Variants in PHTF2 observed in about 807,000 individuals in gnomAD.
The protein encoded by PHTF2 is protein PHTF2.
A neutral mutation model predicts 101.2 loss-of-function variants in PHTF2; 60 were observed. The observed-to-expected ratio is 0.59, with a 90% CI of 0.48 to 0.73. The LOEUF is 0.73. Ranked by LOEUF, PHTF2 falls within the 30% of genes least tolerant of loss-of-function variation. The pLI, the probability that PHTF2 is intolerant of heterozygous loss-of-function variation, is 0.00. For synonymous variants in PHTF2, 311 were observed against 307.3 expected (o/e 1.01, Z -0.13); for missense variants, 747 against 908.7 (o/e 0.82, Z 2.29).
chr7:77,863,759 TCAGGCA>T (rs1454554823), intron 3 of PHTF2, among the ~76,000 whole-genome samples: 1 of 151,262 alleles, frequency 6.6e-6, no homozygotes, highest in Non-Finnish European at 1.5e-5. Context: ...CTACTATGTA[TCAGGCA>T]CTGAGTTCCC....
At chr7:77,887,465 A>G (rs1799970817) in intron 3 of PHTF2, among the ~76,000 whole-genome samples, 1 of 151,990 alleles carries the variant, frequency 6.6e-6, no homozygotes, top group South Asian at 2.1e-4. Context: ...TAATGGCTCA[A>G]ACTTTAGATG....
intron 1 of PHTF2, among the ~76,000 whole-genome samples, chr7:77,826,841 C>T (rs1190564641): frequency 6.6e-6 from 1 of 152,142 alleles, no homozygotes; most frequent in Non-Finnish European, 1.5e-5. Flanking sequence ...CATGTAAGAG[C>T]ACAGAGAATA....
At chr7:77,920,785 G>A (rs540310557) in intron 10 of PHTF2, among the ~76,000 whole-genome samples, 2 of 152,186 alleles carry the variant, frequency 1.3e-5, no homozygotes, top group African/African-American at 4.8e-5. Context: ...AGGCACAAAC[G>A]ATCTTCCCAC....
At chr7:77,868,208 T>C (rs1375765200) in intron 3 of PHTF2, among the ~76,000 whole-genome samples, 1 of 151,814 alleles carries the variant, frequency 6.6e-6, no homozygotes, top group Non-Finnish European at 1.5e-5. Flanking sequence ...TCCTGCACTA[T>C]CATAGCTCAA....
intron 1 of PHTF2, among the ~76,000 whole-genome samples, chr7:77,835,501 A>G (rs1795386539): frequency 6.6e-6 from 1 of 152,186 alleles, no homozygotes; most frequent in South Asian, 2.1e-4. Context: ...GGTAACATTT[A>G]TGTAGTATTT....
At chr7:77,889,555 A>C (rs545808039) in intron 3 of PHTF2, among the ~76,000 whole-genome samples, 86 of 147,604 alleles carry the variant, frequency 5.8e-4, no homozygotes, top group South Asian at 1.7e-3. Context: ...AGTAACTAAA[A>C]TGTTCATTCT....
intron 9 of PHTF2, among the ~76,000 whole-genome samples, chr7:77,920,004 C>A (rs848484): frequency 0.42 from 63,900 of 151,918 alleles, 15,246 homozygotes; most frequent in East Asian, 0.68. Flanking sequence ...TGTTCAAAGA[C>A]CAGATGATTT....
At chr7:77,899,461 T>C (rs1340960578) in intron 5 of PHTF2, among the ~76,000 whole-genome samples, 1 of 152,100 alleles carries the variant, frequency 6.6e-6, no homozygotes, top group Admixed American at 6.5e-5. Context: ...TTTGCAATTA[T>C]GGAATCTGAG....
At chr7:77,845,177 G>A (rs1796180409) in intron 2 of PHTF2, among the ~76,000 whole-genome samples, 1 of 152,198 alleles carries the variant, frequency 6.6e-6, no homozygotes, top group Non-Finnish European at 1.5e-5. Context: ...TGTATTGAAA[G>A]ATAATTGACA....
At chr7:77,850,183 T>C (rs1796624167) in intron 2 of PHTF2, among the ~76,000 whole-genome samples, 2 of 141,464 alleles carry the variant, frequency 1.4e-5, no homozygotes, top group Admixed American at 1.4e-4. Context: ...CAACCCTGTC[T>C]CTACAAAATT....
intron 3 of PHTF2, among the ~76,000 whole-genome samples, chr7:77,858,787 G>C (rs1164842496): frequency 6.6e-6 from 1 of 151,760 alleles, no homozygotes; most frequent in Non-Finnish European, 1.5e-5. Flanking sequence ...TCTGTATATA[G>C]TCTCATGGTT....
chr7:77,941,983 A>G lies in PHTF2; in HGVS notation c.1873-717A>G, dbSNP rs1805673127. 2.0e-5 allele frequency among the ~76,000 whole-genome samples: 3 copies of G among 152,004 alleles called. No individual in the cohort carries two copies. The South Asian group carries it at 6.2e-4, about 32-fold the overall frequency. ...CACCTGTCTTTTGTTTCATTTTGAAACACTCTCCTTCCTAGTCCACTACAT... is the reference window on the plus strand; with the variant it reads ...CACCTGTCTTTTGTTTCATTTTGAAGCACTCTCCTTCCTAGTCCACTACAT... On this transcript the variant is annotated intron_variant, in intron 15 of 19. Coordinates refer to ENST00000416283, the Ensembl canonical transcript of PHTF2.
chr7:77,814,114 C>T (rs1460698629), intron 1 of PHTF2, among the ~76,000 whole-genome samples: 1 of 152,188 alleles, frequency 6.6e-6, no homozygotes, highest in Non-Finnish European at 1.5e-5. Flanking sequence ...TTTCCATCTA[C>T]CTTCTTGTAG....
At chr7:77,835,242 C>T (rs1312837556) in intron 1 of PHTF2, among the ~76,000 whole-genome samples, 2 of 148,682 alleles carry the variant, frequency 1.3e-5, no homozygotes, top group African/African-American at 5.0e-5. Flanking sequence ...CCATTGCACT[C>T]CAGCCTGGGC....
chr7:77,839,645 A>C (rs1795719335), intron 1 of PHTF2, among the ~76,000 whole-genome samples: 1 of 152,210 alleles, frequency 6.6e-6, no homozygotes, highest in Admixed American at 6.5e-5. Context: ...GACAGTTAGC[A>C]AACTGTGATA....
At chr7:77,859,377 G>T (rs977346184) in intron 3 of PHTF2, among the ~76,000 whole-genome samples, 2 of 152,110 alleles carry the variant, frequency 1.3e-5, no homozygotes, top group African/African-American at 4.8e-5. Flanking sequence ...ATTTCCATCT[G>T]TGTAGCTGTA....
intron 11 of PHTF2, among the ~76,000 whole-genome samples, chr7:77,927,029 G>A (rs1804069101): frequency 6.6e-6 from 1 of 151,102 alleles, no homozygotes; most frequent in Non-Finnish European, 1.5e-5. Context: ...GTGGTGGCGG[G>A]CTCCTGTAGT....
intron 3 of PHTF2, among the ~76,000 whole-genome samples, chr7:77,882,080 G>A (rs1208816086): frequency 1.3e-5 from 2 of 152,208 alleles, no homozygotes; most frequent in Non-Finnish European, 2.9e-5. Flanking sequence ...GTGATTTGAT[G>A]ATAGGTATGT....
chr7:77,848,093 T>C (rs1477569517), intron 2 of PHTF2, among the ~76,000 whole-genome samples: 2 of 152,230 alleles, frequency 1.3e-5, no homozygotes, highest in Non-Finnish European at 2.9e-5. Flanking sequence ...ACCAATTTTC[T>C]TTATCCATTC....
Sources: allele counts gnomAD v4.1 joint callset (sites outside exome capture counted in the v4.1 genomes callset), GRCh38; gene constraint gnomAD v4.1.1; transcripts MANE v1.5; gene names NCBI Gene and HGNC (gene_info 2026-07-23, HGNC 2026-07-21).